The following NKAIN2 variants were observed in gnomAD, a reference collection of about 807,000 sequenced individuals.
NKAIN2 encodes the protein sodium/potassium-transporting ATPase subunit beta-1-interacting protein 2.
Under a neutral mutation model 32.6 loss-of-function variants are expected in NKAIN2, and 14 were observed. The ratio of observed to expected loss-of-function variants is 0.43; its 90% CI spans 0.28 to 0.67. The LOEUF (loss-of-function observed/expected upper bound fraction) is 0.67, where lower values mean the gene tolerates loss of function less well. NKAIN2 is among the 30% of genes least tolerant of loss of function. The pLI is 0.17. For missense variants in NKAIN2, 198 were observed against 258.3 expected, an observed-to-expected ratio of 0.77 and a Z score of 1.60; for synonymous variants, 80 against 87.2, an observed-to-expected ratio of 0.92 and a Z score of 0.46.
At chr6:124,051,384 T>A (rs527317259) in intron 1 of NKAIN2, among the ~76,000 whole-genome samples, 1 of 152,148 alleles carries the variant, frequency 6.6e-6, no homozygotes, top group Non-Finnish European at 1.5e-5. Context: ...TAAATGCCAT[T>A]GAGATATAGC....
At chr6:124,782,216 C>T (rs1779300053) in intron 4 of NKAIN2, among the ~76,000 whole-genome samples, 1 of 152,168 alleles carries the variant, frequency 6.6e-6, no homozygotes, top group South Asian at 2.1e-4. Context: ...CTGATGTTTC[C>T]GTTGAGTTTA....
At chr6:124,661,869 CACGTT>C (rs1323757533) in intron 4 of NKAIN2, among the ~76,000 whole-genome samples, 2 of 147,232 alleles carry the variant, frequency 1.4e-5, no homozygotes, top group African/African-American at 5.1e-5. Context: ...TATTATTGTT[CACGTT>C]ACAGAAAAAT....
At chr6:124,483,119 A>G (rs1056103461) in intron 3 of NKAIN2, among the ~76,000 whole-genome samples, 2 of 149,696 alleles carry the variant, frequency 1.3e-5, no homozygotes, top group Admixed American at 6.7e-5. Flanking sequence ...CTGTGTTTCA[A>G]AAAAAAAAAG....
chr6:124,488,094 T>C (rs936259127), intron 3 of NKAIN2, among the ~76,000 whole-genome samples: 1 of 152,106 alleles, frequency 6.6e-6, no homozygotes. Context: ...GAGAAAAGTA[T>C]GACTAATGCA....
intron 1 of NKAIN2, among the ~76,000 whole-genome samples, chr6:123,936,421 T>G (rs1776512995): frequency 6.6e-6 from 1 of 152,128 alleles, no homozygotes. Context: ...TAATACATTT[T>G]AAGAACAGAA....
At chr6:123,813,505 G>A (rs1773563812) in intron 1 of NKAIN2, among the ~76,000 whole-genome samples, 2 of 152,134 alleles carry the variant, frequency 1.3e-5, no homozygotes, top group African/African-American at 4.8e-5. Context: ...CATATTTGAA[G>A]GCTTTTAGAA....
At chr6:124,054,929 AC>A (rs1210500553) in intron 1 of NKAIN2, among the ~76,000 whole-genome samples, 1 of 152,032 alleles carries the variant, frequency 6.6e-6, no homozygotes, top group Non-Finnish European at 1.5e-5. Flanking sequence ...TTATATAATG[AC>A]CAAAGAATTT....
At chr6:123,901,622 C>G (rs1358089087) in intron 1 of NKAIN2, among the ~76,000 whole-genome samples, 1 of 152,102 alleles carries the variant, frequency 6.6e-6, no homozygotes, top group Non-Finnish European at 1.5e-5. Context: ...CTTCCGGCTC[C>G]CTCTGCATAT....
At chr6:124,035,865 G>A (rs949521583) in intron 1 of NKAIN2, among the ~76,000 whole-genome samples, 1 of 152,130 alleles carries the variant, frequency 6.6e-6, no homozygotes, top group Admixed American at 6.6e-5. Flanking sequence ...AATGTGTGGA[G>A]TTCCCCGGTG....
intron 4 of NKAIN2, among the ~76,000 whole-genome samples, chr6:124,751,353 T>G (rs565066042): frequency 6.6e-6 from 1 of 152,120 alleles, no homozygotes; most frequent in South Asian, 2.1e-4. Context: ...AATACAGGTT[T>G]TGTAAAGTAA....
At chr6:123,923,123 C>T (rs1562259772) in intron 1 of NKAIN2, among the ~76,000 whole-genome samples, 2 of 149,406 alleles carry the variant, frequency 1.3e-5, no homozygotes, top group African/African-American at 5.0e-5. Context: ...CAAGGGATTA[C>T]CAAAAAAAAC....
At chr6:123,984,711 G>T (rs565106475) in intron 1 of NKAIN2, among the ~76,000 whole-genome samples, 6 of 152,230 alleles carry the variant, frequency 3.9e-5, no homozygotes, top group African/African-American at 1.4e-4. Flanking sequence ...CAATAGATGA[G>T]TTAAGATTTA....
At chr6:123,892,222 A>G (rs1299163919) in intron 1 of NKAIN2, among the ~76,000 whole-genome samples, 1 of 152,202 alleles carries the variant, frequency 6.6e-6, no homozygotes, top group Non-Finnish European at 1.5e-5. Flanking sequence ...GTGCCCTTTA[A>G]CATATGAATC....
chr6:124,152,560 G>A (rs79048944), intron 1 of NKAIN2, among the ~76,000 whole-genome samples: 1,575 of 152,038 alleles, frequency 0.01, 28 homozygotes, highest in African/African-American at 0.035. Context: ...TACATGTTTG[G>A]TAGGAATATA....
intron 3 of NKAIN2, among the ~76,000 whole-genome samples, chr6:124,387,472 C>T (rs1382171076): frequency 6.6e-6 from 1 of 152,060 alleles, no homozygotes; most frequent in African/African-American, 2.4e-5. Flanking sequence ...CAATGCCTGG[C>T]TGATTACCTG....
chr6:124,384,927 T>C (rs1225966602), intron 3 of NKAIN2, among the ~76,000 whole-genome samples: 1 of 152,198 alleles, frequency 6.6e-6, no homozygotes, highest in Non-Finnish European at 1.5e-5. Flanking sequence ...CCGTCTCTTT[T>C]ACTCACTTTT....
intron 1 of NKAIN2, among the ~76,000 whole-genome samples, chr6:123,966,085 C>T (rs1466843566): frequency 6.6e-6 from 1 of 152,146 alleles, no homozygotes; most frequent in African/African-American, 2.4e-5. Context: ...TAAAAACTTA[C>T]ATTTCAGTGG....
intron 3 of NKAIN2, among the ~76,000 whole-genome samples, chr6:124,467,619 T>C (rs1196116946): frequency 3.9e-5 from 6 of 152,256 alleles, no homozygotes; most frequent in Non-Finnish European, 8.8e-5. Context: ...GGCAATTTAA[T>C]GATCATTCAT....
intron 4 of NKAIN2, among the ~76,000 whole-genome samples, chr6:124,693,920 T>C (rs1231055734): frequency 6.6e-6 from 1 of 152,184 alleles, no homozygotes; most frequent in Non-Finnish European, 1.5e-5. Context: ...ATTGCATCTG[T>C]TTCAGTCCTG....
Sources: gnomAD v4.1 joint callset for allele counts (sites outside exome capture counted in the v4.1 genomes callset) on GRCh38, gnomAD v4.1.1 for gene constraint, MANE v1.5 for transcripts, NCBI Gene and HGNC (gene_info 2026-07-23, HGNC 2026-07-21) for gene names.